Variants in BIN2 observed in about 807,000 individuals in gnomAD.
BIN2 encodes bridging integrator 2, also known as breast cancer associated protein BRAP1.
BIN2 carries 43 observed loss-of-function variants against 67.9 expected under a neutral mutation model. That is an observed-to-expected ratio of 0.63 (90% CI 0.50 to 0.82). BIN2 has a LOEUF of 0.82. Ranked by LOEUF, BIN2 falls within the 40% of genes least tolerant of loss-of-function variation. The probability of loss-of-function intolerance (pLI) is 0.00; values close to 1 mark genes in which losing one functional copy is unlikely to be tolerated. For missense variants in BIN2, 581 were observed against 671.6 expected (o/e 0.87, Z 1.49); for synonymous variants, 244 against 246.8 (o/e 0.99, Z 0.11).
chr12:51,297,166 T>C lies in BIN2; in HGVS notation c.603-2A>G. 1 of 1,613,264 alleles carries C rather than the reference T, an allele frequency of 6.2e-7. No individual in the cohort carries two copies. Among genetic ancestry groups the C allele is most frequent in the Non-Finnish European group, 8.5e-7 (1 of 1,179,282 alleles). ...ATGGTCACATAGCAGCCAATACGAC[T>C]ATTAGGAAGCAAAACCACAAACACA... On this transcript the variant is annotated splice_acceptor_variant, in intron 7 of 12. Transcript: ENST00000615107. LOFTEE classifies it high-confidence loss of function.
At chr12:51,282,764 C>T (rs1432655305) in intron 12 of BIN2, among the ~76,000 whole-genome samples, 4 of 151,610 alleles carry the variant, frequency 2.6e-5, no homozygotes, top group East Asian at 2.0e-4. Flanking sequence ...CCACCATGCC[C>T]GGCTAATTTT....
At chr12:51,309,592 C>A (rs1011469550) in intron 2 of BIN2, among the ~76,000 whole-genome samples, 1 of 152,076 alleles carries the variant, frequency 6.6e-6, no homozygotes, top group African/African-American at 2.4e-5. Context: ...CACTATGTTG[C>A]CCAGGCTGGT....
chr12:51,283,417 G>A (rs534830732), intron 12 of BIN2, among the ~76,000 whole-genome samples: 20 of 152,242 alleles, frequency 1.3e-4, no homozygotes, highest in African/African-American at 4.6e-4. Flanking sequence ...GGGACAAAAT[G>A]TAAAGGTAGA....
At position 51,281,280 on chromosome 12, in the gene BIN2, C is replaced by T; in HGVS notation, c.*219G>A. On this transcript the variant is annotated 3_prime_UTR_variant, in exon 13 of 13. Coordinates refer to ENST00000615107, the MANE Select transcript of BIN2 (RefSeq NM_016293.4). Reference sequence around the variant, plus strand: ...ATGCTAAAACCAGAATTAAATATTCCCTGAGTCTAATGTTCTCTTCTCCCC... The same window carrying T: ...ATGCTAAAACCAGAATTAAATATTCTCTGAGTCTAATGTTCTCTTCTCCCC... The T allele has an allele frequency of 1.7e-6, 1 of 576,034 alleles. No individual in the cohort carries two copies. The highest frequency in any genetic ancestry group is 3.2e-6 in the Non-Finnish European group (1 of 316,252). The allele number at this position is 576,034 out of a possible 1,614,324, so 35.7% of individuals were successfully genotyped here. A position where few individuals can be genotyped will look rare whatever the true frequency, so the allele number is the denominator to read the frequency against.
At position 51,300,625 on chromosome 12, in the gene BIN2, A is replaced by G. The variant is rs111310721; in HGVS notation, c.409-911T>C. Among the ~76,000 whole-genome samples the G allele has an allele frequency of 3.2e-3, 484 of 152,292 alleles. 1 individual carries two copies. Among genetic ancestry groups the G allele is most frequent in the Non-Finnish European group, 3.6e-3 (246 of 68,014 alleles). On this transcript the variant is annotated intron_variant, in intron 5 of 12. Coordinates refer to ENST00000615107, the MANE Select transcript of BIN2 (RefSeq NM_016293.4). ...AGAAAGTCTACTCAGCCTTATCCAA[A>G]CTATAAATTATACCAGTGAGAAGCA...
chr12:51,302,507 C>T (rs1565681127), intron 4 of BIN2, 179 bp downstream of exon 4: 4 of 610,294 alleles, frequency 6.6e-6, no homozygotes, highest in South Asian at 4.0e-5. Context: ...TTAGGGAAAA[C>T]TTGTTTTTAC....
chr12:51,302,399 A>G (rs1945749402), intron 4 of BIN2: 2 of 524,336 alleles, frequency 3.8e-6, no homozygotes, highest in Admixed American at 3.4e-5. Context: ...GTATAACTGC[A>G]TGAAGTTTGT....
chr12:51,291,173 A>AACC (rs1945370978), intron 10 of BIN2, among the ~76,000 whole-genome samples: 1 of 151,994 alleles, frequency 6.6e-6, no homozygotes, highest in African/African-American at 2.4e-5. Context: ...ACAAACAAAC[A>AACC]AAAAAAAGTC....
At chr12:51,298,026 A>G (rs1048213666) in intron 7 of BIN2, among the ~76,000 whole-genome samples, 6 of 151,914 alleles carry the variant, frequency 3.9e-5, no homozygotes, top group African/African-American at 1.5e-4. Context: ...CAGGTAGATC[A>G]CCTGAGGTCA....
chr12:51,318,388 A>G (rs1946186029), intron 1 of BIN2, among the ~76,000 whole-genome samples: 1 of 151,900 alleles, frequency 6.6e-6, no homozygotes, highest in Admixed American at 6.6e-5. Flanking sequence ...CAGCCTCCCA[A>G]GTAGCTGGGA....
intron 2 of BIN2, 103 bp from the exon 3 acceptor site, chr12:51,303,244 G>A: frequency 8.8e-7 from 1 of 1,139,270 alleles, no homozygotes; most frequent in East Asian, 2.4e-5. Flanking sequence ...ATCACACCTG[G>A]AATTTCTCTA....
rs555513164 is a variant in BIN2 at position 51,324,131 on chromosome 12, T to A, written c.-29A>T. 9.3e-6 allele frequency: 15 copies of A among 1,610,420 alleles called. No individual in the cohort carries two copies. Among genetic ancestry groups the A allele is most frequent in the Admixed American group, 8.4e-5 (5 of 59,658 alleles). On this transcript the variant is annotated 5_prime_UTR_variant, in exon 1 of 13. Transcript: ENST00000615107. ...GCCAACTCCCTGGGGGCCGCCGCCC[T>A]GGCCCCGCGCCCTGTGGTTTTCTGA...
chr12:51,323,707 C>T (rs1267153337), intron 1 of BIN2, among the ~76,000 whole-genome samples: 1 of 152,238 alleles, frequency 6.6e-6, no homozygotes. Flanking sequence ...GTGGCCACCA[C>T]CATCACTTCC....
In BIN2 at chr12:51,291,937, C is replaced by T. The variant is rs774433785; in HGVS notation, c.1169G>A (p.Arg390Gln). 6.2e-6 allele frequency: 10 copies of T among 1,613,986 alleles called. No homozygotes were observed. In the East Asian group the frequency reaches 8.9e-5, roughly 14 times the overall value. The change falls in exon 10 of 13, where the codon CGA becomes CAA. Residue 390 changes from arginine (R) to glutamine (Q), a missense_variant. By Grantham distance (43) the Arg-to-Gln change is conservative. Coordinates refer to ENST00000615107, the MANE Select transcript of BIN2 (RefSeq NM_016293.4). ...PSSSATEVVL[R>Q]TRTASEGSEQ... ...AGATCCTTCACTTGCGGTGCGGGTTCGGAGGACTACTTCTGTGGCAGATGA... is the reference window on the plus strand; with the variant it reads ...AGATCCTTCACTTGCGGTGCGGGTTTGGAGGACTACTTCTGTGGCAGATGA...
intron 5 of BIN2, among the ~76,000 whole-genome samples, 166 bp from the exon 6 acceptor site, chr12:51,299,880 C>G (rs1328226004): frequency 6.6e-6 from 1 of 151,888 alleles, no homozygotes; most frequent in African/African-American, 2.4e-5. Flanking sequence ...GCTCTGTTGC[C>G]CAGGCTGGAG....
At chr12:51,311,087 T>C (rs1592276046) in intron 2 of BIN2, among the ~76,000 whole-genome samples, 1 of 149,066 alleles carries the variant, frequency 6.7e-6, no homozygotes, top group Non-Finnish European at 1.5e-5. Flanking sequence ...CTTTTTTCTT[T>C]ATGTAGGGGC....
In BIN2 at chr12:51,291,998, G is replaced by A; in HGVS notation, c.1108C>T (p.Pro370Ser). The change falls in exon 10 of 13, where the codon CCA becomes TCA. Residue 370 changes from proline to serine, a missense_variant. Physicochemically the swap from Pro to Ser is moderately conservative, Grantham distance 74. Transcript: ENST00000615107. ...EVLPSSTTPS[P>S]GGALSPSGQP... Reference sequence around the variant, plus strand: ...CCTGAAGGGCTCAGGGCTCCGCCTGGTGATGGAGTTGTGGAGCTGGGGAGA... The same window carrying A: ...CCTGAAGGGCTCAGGGCTCCGCCTGATGATGGAGTTGTGGAGCTGGGGAGA... 6 of 1,614,230 alleles carry A rather than the reference G, an allele frequency of 3.7e-6. No individual in the cohort carries two copies. Among genetic ancestry groups the A allele is most frequent in the Non-Finnish European group, 5.1e-6 (6 of 1,180,034 alleles).
intron 6 of BIN2, 90 bp from the exon 7 acceptor site, chr12:51,299,378 C>G: frequency 7.6e-7 from 1 of 1,320,746 alleles, no homozygotes; most frequent in Non-Finnish European, 1.1e-6. Flanking sequence ...TTTTTAGGCA[C>G]TAGGCTTTTT....
In BIN2 at chr12:51,298,188, A is replaced by G. The variant is rs187252535; in HGVS notation, c.602+1015T>C. ...GGAGATTGAGACCATCCTGGCCAAC[A>G]TGGTGAAACCCCATCTCTACTAAAA... is the stretch of plus-strand genomic sequence containing the variant. On this transcript the variant is annotated intron_variant, in intron 7 of 12. Coordinates refer to ENST00000615107, the MANE Select transcript of BIN2 (RefSeq NM_016293.4). Among the ~76,000 whole-genome samples the G allele has an allele frequency of 9.5e-4, 145 of 152,318 alleles. 1 individual carries two copies. The highest frequency in any genetic ancestry group is 3.3e-3 in the African/African-American group (139 of 41,576).
Sources: gnomAD v4.1 joint callset for allele counts (sites outside exome capture counted in the v4.1 genomes callset) on GRCh38, gnomAD v4.1.1 for gene constraint, MANE v1.5 for transcripts, NCBI Gene and HGNC (gene_info 2026-07-23, HGNC 2026-07-21) for gene names.